The following TMTC4 variants were observed in gnomAD, a reference collection of about 807,000 sequenced individuals.
The protein encoded by TMTC4 is protein O-mannosyl-transferase TMTC4.
TMTC4 carries 65 observed loss-of-function variants against 86.0 expected under a neutral mutation model. The ratio of observed to expected loss-of-function variants is 0.76; its 90% CI spans 0.62 to 0.93. The LOEUF is 0.93. Ranked by LOEUF, TMTC4 falls within the 40% of genes least tolerant of loss-of-function variation. The pLI is 0.00. For missense variants in TMTC4, 866 were observed against 948.1 expected, an observed-to-expected ratio of 0.91 and a Z score of 1.14; for synonymous variants, 379 against 382.5, an observed-to-expected ratio of 0.99 and a Z score of 0.11.
At chr13:100,643,853 G>A (rs1157445997) in intron 6 of TMTC4, among the ~76,000 whole-genome samples, 1 of 152,152 alleles carries the variant, frequency 6.6e-6, no homozygotes, top group African/African-American at 2.4e-5. Flanking sequence ...TCAAGTGGGT[G>A]GCTGATCAGC....
intron 15 of TMTC4, among the ~76,000 whole-genome samples, chr13:100,621,564 T>A (rs1300528848): frequency 6.6e-6 from 1 of 152,174 alleles, no homozygotes; most frequent in East Asian, 1.9e-4. Context: ...TAGCTGGGAC[T>A]ATAGGCGCCT....
chr13:100,657,096 G>A (rs1594355629), intron 5 of TMTC4, among the ~76,000 whole-genome samples: 1 of 152,108 alleles, frequency 6.6e-6, no homozygotes, highest in East Asian at 1.9e-4. Flanking sequence ...TTTAACACAC[G>A]ATACCCAAGA....
chr13:100,614,552 C>T, intron 15 of TMTC4, 122 bp from the exon 16 acceptor site: 1 of 714,604 alleles, frequency 1.4e-6, no homozygotes, highest in Non-Finnish European at 2.2e-6. Flanking sequence ...AAAACCAAAA[C>T]CTAACTTTAA....
At position 100,637,621 on chromosome 13, in the gene TMTC4, G is replaced by A. The variant is rs141063052; in HGVS notation, c.916C>T (p.Arg306Cys). 1.3e-5 allele frequency: 21 copies of A among 1,614,044 alleles called. No individual in the cohort carries two copies. Among genetic ancestry groups the A allele is most frequent in the African/African-American group, 4.0e-5 (3 of 74,920 alleles). Residue 306 changes from arginine (R) to cysteine (C), a missense_variant, in exon 9 of 19, where the codon CGC becomes TGC. Arg to Cys is a radical substitution (Grantham distance 180, BLOSUM62 -3). Coordinates refer to ENST00000342624, the MANE Select transcript of TMTC4 (RefSeq NM_032813.5). ...GGGCCCGTGCCCATGATCCTCCAGC[G>A]CACGTAGAGCATCCCAGCCCCTCCA... is the stretch of plus-strand genomic sequence containing the variant. The part of the protein sequence containing the change: ...TSGGAGMLYV[R>C]WRIMGTGPPA...
intron 6 of TMTC4, among the ~76,000 whole-genome samples, chr13:100,646,860 C>T (rs564786008): frequency 3.7e-4 from 57 of 152,236 alleles, no homozygotes; most frequent in African/African-American, 1.3e-3. Context: ...GAGCACTTAA[C>T]GTATTTATTG....
intron 1 of TMTC4, chr13:100,674,323 G>A: frequency 1.0e-6 from 1 of 978,594 alleles, no homozygotes. Flanking sequence ...CTGCGCCGCG[G>A]CCAGCTGGCG....
chr13:100,634,793 G>A lies in TMTC4; in HGVS notation c.1506+12C>T. The A allele has an allele frequency of 3.1e-6, 5 of 1,609,330 alleles. No individual in the cohort carries two copies. Among genetic ancestry groups the A allele is most frequent in the African/African-American group, 1.3e-5 (1 of 74,776 alleles). On this transcript the variant is annotated intron_variant, in intron 12 of 18. Transcript: ENST00000342624. ...GTAAGGTCCCTTTAAAAGAAATCTGGCAGCTAGGTACCTTAGCATTGAGGG... is the reference window on the plus strand; with the variant it reads ...GTAAGGTCCCTTTAAAAGAAATCTGACAGCTAGGTACCTTAGCATTGAGGG...
intron 15 of TMTC4, among the ~76,000 whole-genome samples, chr13:100,615,276 T>G (rs754565089): frequency 3.3e-5 from 5 of 150,710 alleles, no homozygotes; most frequent in Non-Finnish European, 7.4e-5. Flanking sequence ...TAGCTGGGAT[T>G]ACAGGCGCCC....
At chr13:100,667,705 G>A (rs1217677381) in intron 3 of TMTC4, among the ~76,000 whole-genome samples, 2 of 152,106 alleles carry the variant, frequency 1.3e-5, no homozygotes, top group African/African-American at 2.4e-5. Flanking sequence ...CTAGTAGGGA[G>A]CTAAATGTGT....
chr13:100,638,146 C>T, intron 7 of TMTC4, 124 bp from the exon 8 acceptor site: 1 of 665,296 alleles, frequency 1.5e-6, no homozygotes, highest in Non-Finnish European at 2.6e-6. Context: ...TCACGGAAGA[C>T]CTCTGCAGCT....
At chr13:100,611,451 G>A (rs953044188) in intron 17 of TMTC4, among the ~76,000 whole-genome samples, 6 of 152,282 alleles carry the variant, frequency 3.9e-5, no homozygotes, top group South Asian at 4.1e-4. Context: ...CGGGCGTGGT[G>A]GCGGGCGCCT....
At chr13:100,674,894 G>T (rs555988308), upstream of TMTC4, 9 of 981,410 alleles carry the variant, frequency 9.2e-6, no homozygotes, top group Non-Finnish European at 1.1e-5. Flanking sequence ...CCCCACGCGC[G>T]CGGGCGCCCC....
rs1019796662 is a variant in TMTC4, at chr13:100,674,409, G to A, written c.-208+335C>T. 16 of 927,304 alleles carry A rather than the reference G, an allele frequency of 1.7e-5. No homozygotes were observed. The African/African-American group carries it at 2.5e-4, about 15-fold the overall frequency. The allele number at this position is 927,304 out of a possible 1,614,324, so 57.4% of individuals were successfully genotyped here. Reference sequence around the variant, plus strand: ...GGCGCCGGGTGCGCCCGGGCCGAGGGAGCGCCGGCGCGGCTGTGCAGGCAG... The same window carrying A: ...GGCGCCGGGTGCGCCCGGGCCGAGGAAGCGCCGGCGCGGCTGTGCAGGCAG... On this transcript the variant is annotated intron_variant, in intron 1 of 18. Coordinates refer to ENST00000342624, the MANE Select transcript of TMTC4 (RefSeq NM_032813.5).
At chr13:100,666,211 C>A in intron 3 of TMTC4, 1 of 351,842 alleles carries the variant, frequency 2.8e-6, no homozygotes, top group African/African-American at 2.1e-5. Context: ...ATCATCATCT[C>A]AAGGAACAAA....
At chr13:100,609,578 G>A (rs899522161) in intron 17 of TMTC4, among the ~76,000 whole-genome samples, 3 of 152,038 alleles carry the variant, frequency 2.0e-5, no homozygotes, top group Non-Finnish European at 4.4e-5. Context: ...ACATTAGCTT[G>A]AAACTGGAAA....
rs369559730 is a variant in TMTC4 at position 100,663,174 on chromosome 13, G to A, written c.342C>T (p.Asn114=). 6.4e-5 allele frequency: 103 copies of A among 1,614,208 alleles called. No homozygotes were observed. In the African/African-American group the frequency reaches 1.1e-3, roughly 17 times the overall value. The change falls in exon 5 of 19, where the codon AAC becomes AAT. Residue 114 remains asparagine, a synonymous_variant. Transcript: ENST00000342624. The part of the protein sequence containing the change: ...RPLTVLTFRI[N]YYLSGGFHPV... ...GGTGGAAGCCTCCCGAGAGGTAGTA[G>A]TTAATCCTGCAGAAACACAGGGTGT...
chr13:100,628,204 C>G (rs2138824181), intron 12 of TMTC4, among the ~76,000 whole-genome samples: 1 of 152,316 alleles, frequency 6.6e-6, no homozygotes, highest in Middle Eastern at 3.4e-3. Context: ...TGTACCCATT[C>G]TCACCTCCAC....
At chr13:100,608,702 T>C (rs1877052065) in intron 17 of TMTC4, among the ~76,000 whole-genome samples, 2 of 152,208 alleles carry the variant, frequency 1.3e-5, no homozygotes, top group Admixed American at 6.5e-5. Context: ...GTGAACTGTT[T>C]ATAAATTGAT....
chr13:100,660,330 C>CAAAAAAAAAAAAAAA (rs56177115), intron 5 of TMTC4, among the ~76,000 whole-genome samples: 3 of 131,110 alleles, frequency 2.3e-5, no homozygotes, highest in African/African-American at 3.1e-5. Context: ...GACTGTGTAT[C>CAAAAAAAAAAAAAAA]AAAAAAAAAA....
Sources: gnomAD v4.1 joint callset for allele counts (sites outside exome capture counted in the v4.1 genomes callset) on GRCh38, gnomAD v4.1.1 for gene constraint, MANE v1.5 for transcripts, NCBI Gene and HGNC (gene_info 2026-07-23, HGNC 2026-07-21) for gene names.